AAK1: variants seen among roughly 807,000 people sequenced by gnomAD.
AAK1 encodes the protein AP2-associated protein kinase 1.
AAK1 carries 37 observed loss-of-function variants against 116.0 expected under a neutral mutation model. The observed-to-expected ratio is 0.32, with a 90% CI of 0.25 to 0.42. The LOEUF is 0.42. AAK1 is among the 10% of genes least tolerant of loss of function. The pLI is 1.00. For synonymous variants in AAK1, 458 were observed against 439.9 expected (o/e 1.04, Z -0.51); for missense variants, 919 against 1,170.6 (o/e 0.79, Z 3.14).
At chr2:69,532,226 T>C (rs555074741) in intron 5 of AAK1, 64 bp from the exon 6 acceptor site, 2 of 1,592,044 alleles carry the variant, frequency 1.3e-6, no homozygotes, top group South Asian at 2.2e-5. Context: ...GAAAATTTGG[T>C]TTCACAGTCA....
At chr2:69,490,304 T>C (rs957938746) in intron 17 of AAK1, among the ~76,000 whole-genome samples, 2 of 152,192 alleles carry the variant, frequency 1.3e-5, no homozygotes, top group Admixed American at 1.3e-4. Context: ...ATTCCATTTC[T>C]GGGTATATAC....
chr2:69,629,737 C>G (rs934503735), intron 2 of AAK1, among the ~76,000 whole-genome samples: 4 of 152,172 alleles, frequency 2.6e-5, no homozygotes, highest in African/African-American at 9.7e-5. Context: ...AATTCATTCT[C>G]CAGTACCCAC....
intron 2 of AAK1, among the ~76,000 whole-genome samples, chr2:69,557,841 T>C (rs1390899886): frequency 6.6e-6 from 1 of 152,228 alleles, no homozygotes; most frequent in Admixed American, 6.5e-5. Flanking sequence ...TCTTCTTTTC[T>C]TCTCATCCTA....
At chr2:69,572,218 C>T (rs1672117550) in intron 2 of AAK1, among the ~76,000 whole-genome samples, 2 of 152,208 alleles carry the variant, frequency 1.3e-5, no homozygotes, top group African/African-American at 4.8e-5. Flanking sequence ...CTCAGAATTA[C>T]TGATTTTTTC....
intron 5 of AAK1, among the ~76,000 whole-genome samples, chr2:69,538,300 C>T (rs574640900): frequency 2.0e-5 from 3 of 152,342 alleles, no homozygotes; most frequent in East Asian, 1.9e-4. Context: ...CAGTTTGCTC[C>T]GCATTCCCCT....
intron 3 of AAK1, among the ~76,000 whole-genome samples, chr2:69,546,042 C>G (rs1572943467): frequency 6.6e-6 from 1 of 151,316 alleles, no homozygotes; most frequent in Admixed American, 6.6e-5. Flanking sequence ...GGAAAAAGTC[C>G]TATAAGTAGA....
rs17036762 is a variant in AAK1 at position 69,542,385 on chromosome 2, C to G, written c.534+138G>C. On this transcript the variant is annotated intron_variant, in intron 5 of 21. Transcript: ENST00000409085. ...TGTACTTTTTCCTTTGTTATTTTCT[C>G]TCCTCAGGCAGAATATAAACATAAA... 12,164 of 1,075,792 alleles carry G rather than the reference C, an allele frequency of 0.011. 921 individuals are homozygous for G. In the African/African-American group the frequency reaches 0.17, roughly 15 times the overall value. 66.6% of individuals were successfully genotyped at this position (1,075,792 alleles called of 1,614,324 possible). A position where few individuals can be genotyped will look rare whatever the true frequency, so the allele number is the denominator to read the frequency against.
At chr2:69,605,539 A>G (rs542319669) in intron 2 of AAK1, among the ~76,000 whole-genome samples, 42 of 152,354 alleles carry the variant, frequency 2.8e-4, no homozygotes, top group African/African-American at 9.6e-4. Context: ...GACATCTGAC[A>G]TAACTATGGT....
intron 5 of AAK1, among the ~76,000 whole-genome samples, chr2:69,534,738 G>A (rs904887284): frequency 6.6e-6 from 1 of 152,200 alleles, no homozygotes; most frequent in African/African-American, 2.4e-5. Context: ...AAAGTTTATG[G>A]CTGCTTTTGA....
rs1674345918 is a variant in AAK1, at chr2:69,461,695, A to G, written c.*14174T>C. The G allele has an allele frequency of 4.7e-6, 2 of 425,142 alleles. No individual in the cohort carries two copies. Among genetic ancestry groups the G allele is most frequent in the South Asian group, 3.3e-5 (2 of 61,380 alleles). The allele number at this position is 425,142 out of a possible 1,614,324, so 26.3% of individuals were successfully genotyped here. A position where few individuals can be genotyped will look rare whatever the true frequency, so the allele number is the denominator to read the frequency against. On this transcript the variant is annotated 3_prime_UTR_variant, in exon 22 of 22. Coordinates refer to ENST00000409085, the MANE Select transcript of AAK1 (RefSeq NM_014911.5). ...CTGCAAAGTCTGCCTCCCTGGGTCAAGCAATTCTGCCTCAGCCTCCCTAGT... is the reference window on the plus strand; with the variant it reads ...CTGCAAAGTCTGCCTCCCTGGGTCAGGCAATTCTGCCTCAGCCTCCCTAGT...
chr2:69,617,157 C>G (rs1462931721), intron 2 of AAK1, among the ~76,000 whole-genome samples: 1 of 152,158 alleles, frequency 6.6e-6, no homozygotes, highest in African/African-American at 2.4e-5. Context: ...CAGTCAAGAA[C>G]AACAAAATTC....
chr2:69,608,974 C>T (rs1673937313), intron 2 of AAK1, among the ~76,000 whole-genome samples: 1 of 152,220 alleles, frequency 6.6e-6, no homozygotes, highest in Non-Finnish European at 1.5e-5. Context: ...TTGGAGAAGA[C>T]ACACATAAAA....
rs1044264265 is a variant in AAK1, at chr2:69,470,331, T to C, written c.*5538A>G. The C allele has an allele frequency of 2.5e-5, 25 of 985,408 alleles. No homozygotes were observed. In the South Asian group the frequency reaches 3.3e-4, roughly 13 times the overall value. 61.0% of individuals were successfully genotyped at this position (985,408 alleles called of 1,614,324 possible). ...CAAGAACTTGGAAATGCAGCAGCAATTGAAACGTAAAATTTTAGAACCAAA... is the reference window on the plus strand; with the variant it reads ...CAAGAACTTGGAAATGCAGCAGCAACTGAAACGTAAAATTTTAGAACCAAA... On this transcript the variant is annotated 3_prime_UTR_variant, in exon 22 of 22. Coordinates refer to ENST00000409085, the MANE Select transcript of AAK1 (RefSeq NM_014911.5).
At chr2:69,604,670 G>T (rs1558996370) in intron 2 of AAK1, among the ~76,000 whole-genome samples, 1 of 152,168 alleles carries the variant, frequency 6.6e-6, no homozygotes, top group Non-Finnish European at 1.5e-5. Flanking sequence ...CTGAGGCAGA[G>T]ACTTTAAAAA....
chr2:69,641,445 G>A (rs929671740), intron 2 of AAK1, among the ~76,000 whole-genome samples: 1 of 152,212 alleles, frequency 6.6e-6, no homozygotes, highest in Non-Finnish European at 1.5e-5. Flanking sequence ...CAAAGTCCAC[G>A]GGAAAGATCC....
At chr2:69,579,461 C>T (rs1365636935) in intron 2 of AAK1, among the ~76,000 whole-genome samples, 1 of 152,144 alleles carries the variant, frequency 6.6e-6, no homozygotes, top group Non-Finnish European at 1.5e-5. Context: ...TGCCTAGAGA[C>T]CCAACTACTC....
At chr2:69,550,427 C>A (rs911792097) in intron 3 of AAK1, among the ~76,000 whole-genome samples, 9 of 152,076 alleles carry the variant, frequency 5.9e-5, no homozygotes, top group African/African-American at 1.9e-4. Context: ...GCCTCAGCCT[C>A]CCAAGTAGCT....
chr2:69,469,620 T>C lies in AAK1; in HGVS notation c.*6249A>G. On this transcript the variant is annotated 3_prime_UTR_variant, in exon 22 of 22. Transcript: ENST00000409085. ...TGTGGCCATAGAGCTCAGTAAACAC[T>C]GCCTGTTGTACCTCAGGGGCTAAAG... 2.0e-6 allele frequency: 2 copies of C among 985,468 alleles called. No homozygotes were observed. The highest frequency in any genetic ancestry group is 4.7e-5 in the South Asian group (1 of 21,284). 61.0% of individuals were successfully genotyped at this position (985,468 alleles called of 1,614,324 possible).
In AAK1 at chr2:69,643,133, TTC is replaced by T. The variant is rs1675822883; in HGVS notation, c.-95_-94del. The T allele has an allele frequency of 2.8e-6, 4 of 1,436,502 alleles. No homozygotes were observed. The East Asian group carries it at 1.0e-4, about 36-fold the overall frequency. The allele number at this position is 1,436,502 out of a possible 1,614,324, so 89.0% of individuals were successfully genotyped here. A position where few individuals can be genotyped will look rare whatever the true frequency, so the allele number is the denominator to read the frequency against. On this transcript the variant is annotated 5_prime_UTR_variant, in exon 2 of 22. Coordinates refer to ENST00000409085, the MANE Select transcript of AAK1 (RefSeq NM_014911.5). ...TTAAGAAAAGAGATCCAAGGATTTC[TTC>T]TCAGATTTCACCTCGGAGAGGAGCC...
Sources: gnomAD v4.1 joint callset for allele counts (sites outside exome capture counted in the v4.1 genomes callset) on GRCh38, gnomAD v4.1.1 for gene constraint, MANE v1.5 for transcripts, NCBI Gene and HGNC (gene_info 2026-07-23, HGNC 2026-07-21) for gene names.